LINGO2: variants seen among roughly 807,000 people sequenced by gnomAD.
The protein encoded by LINGO2 is leucine rich repeat and Ig domain containing 2, also known as leucine-rich repeat and immunoglobulin-like domain-containing nogo receptor-interacting protein 2.
Under a neutral mutation model 30.6 loss-of-function variants are expected in LINGO2, and 14 were observed. The observed-to-expected ratio is 0.46, with a 90% confidence interval of 0.30 to 0.72. The LOEUF (loss-of-function observed/expected upper bound fraction) is 0.72. LINGO2 is among the 30% of genes least tolerant of loss of function. The pLI is 0.07. For synonymous variants in LINGO2, 317 were observed against 288.5 expected, an observed-to-expected ratio of 1.10 and a Z score of -1.00; for missense variants, 729 against 751.7, an observed-to-expected ratio of 0.97 and a Z score of 0.35.
the LINGO2 span, among the ~76,000 whole-genome samples, chr9:28,953,348 TGAA>T: frequency 6.6e-6 from 1 of 152,216 alleles, no homozygotes; most frequent in South Asian, 2.1e-4. Flanking sequence ...CTCTTTAAAA[TGAA>T]GAGCATTAAT....
the LINGO2 span, among the ~76,000 whole-genome samples, chr9:29,199,222 C>T: frequency 6.6e-6 from 1 of 152,034 alleles, no homozygotes; most frequent in East Asian, 1.9e-4. Flanking sequence ...CTATCACTGA[C>T]ATTTTTCATT....
chr9:28,126,643 T>C (rs1827243731), intron 4 of LINGO2, among the ~76,000 whole-genome samples: 1 of 152,196 alleles, frequency 6.6e-6, no homozygotes, highest in South Asian at 2.1e-4. Flanking sequence ...CAGGCAATCA[T>C]ACAATTAGAG....
chr9:28,775,576 C>T, the LINGO2 span, among the ~76,000 whole-genome samples: 2 of 152,100 alleles, frequency 1.3e-5, no homozygotes, highest in Non-Finnish European at 1.5e-5. Context: ...ACTTCCTGAA[C>T]ATTAAGTAAG....
intron 2 of LINGO2, among the ~76,000 whole-genome samples, chr9:28,415,832 T>A (rs1172383697): frequency 6.6e-6 from 1 of 152,172 alleles, no homozygotes; most frequent in Non-Finnish European, 1.5e-5. Context: ...TGGCACATAG[T>A]AAGTGCTAAA....
At chr9:28,507,221 G>GTA (rs1564251500) in intron 1 of LINGO2, among the ~76,000 whole-genome samples, 1 of 113,332 alleles carries the variant, frequency 8.8e-6, no homozygotes, top group Non-Finnish European at 2.1e-5. Flanking sequence ...GAGTGTGTGT[G>GTA]TGTGTGTGTG....
At chr9:28,003,063 T>C (rs1822044525) in intron 5 of LINGO2, among the ~76,000 whole-genome samples, 2 of 152,154 alleles carry the variant, frequency 1.3e-5, no homozygotes, top group Non-Finnish European at 2.9e-5. Flanking sequence ...ATATGAATTA[T>C]TATAAAATTA....
At chr9:28,228,810 T>G (rs1271173442) in intron 4 of LINGO2, among the ~76,000 whole-genome samples, 1 of 151,692 alleles carries the variant, frequency 6.6e-6, no homozygotes, top group Non-Finnish European at 1.5e-5. Context: ...TTGGAATTAT[T>G]TTTTAGTTTT....
chr9:28,703,021 T>C, the LINGO2 span, among the ~76,000 whole-genome samples: 1 of 151,820 alleles, frequency 6.6e-6, no homozygotes, highest in African/African-American at 2.4e-5. Context: ...TCTTTTTTTT[T>C]CTTAGCCTGG....
At chr9:28,992,949 A>G in the LINGO2 span, among the ~76,000 whole-genome samples, 3 of 151,494 alleles carry the variant, frequency 2.0e-5, no homozygotes, top group Non-Finnish European at 4.4e-5. Flanking sequence ...ATCACAATTA[A>G]AAGAACTAGA....
intron 5 of LINGO2, among the ~76,000 whole-genome samples, chr9:28,005,792 G>A (rs189886726): frequency 1.3e-5 from 2 of 151,238 alleles, no homozygotes; most frequent in Non-Finnish European, 3.0e-5. Context: ...TCCTTTATAG[G>A]GCCACCAAGA....
At chr9:28,194,414 A>C (rs1819934450) in intron 4 of LINGO2, among the ~76,000 whole-genome samples, 1 of 152,106 alleles carries the variant, frequency 6.6e-6, no homozygotes, top group African/African-American at 2.4e-5. Context: ...TTAAGGCAAA[A>C]GAAGTGAAGT....
intron 4 of LINGO2, among the ~76,000 whole-genome samples, chr9:28,235,350 A>C (rs1187199953): frequency 6.6e-6 from 1 of 152,198 alleles, no homozygotes; most frequent in Non-Finnish European, 1.5e-5. Flanking sequence ...GAATACCTGG[A>C]AAGCCTCCCC....
intron 4 of LINGO2, among the ~76,000 whole-genome samples, chr9:28,209,658 G>A (rs182001141): frequency 6.6e-6 from 1 of 151,380 alleles, no homozygotes; most frequent in African/African-American, 2.4e-5. Context: ...TCTGTGTCTC[G>A]GAGGAATTTT....
chr9:28,181,525 G>A (rs1001413891), intron 4 of LINGO2, among the ~76,000 whole-genome samples: 1 of 152,110 alleles, frequency 6.6e-6, no homozygotes, highest in Non-Finnish European at 1.5e-5. Flanking sequence ...GCCAGTGGTA[G>A]GGCCAGCAAT....
chr9:28,761,297 G>A, the LINGO2 span, among the ~76,000 whole-genome samples: 2 of 151,868 alleles, frequency 1.3e-5, no homozygotes, highest in African/African-American at 2.4e-5. Context: ...TATAGCATCA[G>A]TCCAGTGACC....
chr9:27,950,208 A>T (rs1450889014), exon 6 of LINGO2: 1 of 1,614,022 alleles, frequency 6.2e-7, no homozygotes, highest in Middle Eastern at 1.6e-4. Flanking sequence ...TAGAGACTTC[A>T]GGTTATGTAG....
At chr9:28,070,000 G>T (rs548505209) in intron 4 of LINGO2, among the ~76,000 whole-genome samples, 1 of 152,160 alleles carries the variant, frequency 6.6e-6, no homozygotes, top group Non-Finnish European at 1.5e-5. Flanking sequence ...ACAGCAGATG[G>T]GCAGTGCAGA....
chr9:28,682,438 C>G, the LINGO2 span, among the ~76,000 whole-genome samples: 1 of 152,074 alleles, frequency 6.6e-6, no homozygotes, highest in African/African-American at 2.4e-5. Flanking sequence ...AGTCTTGATT[C>G]ATTTTTGTAC....
the LINGO2 span, among the ~76,000 whole-genome samples, chr9:28,835,503 G>T: frequency 3.7e-4 from 56 of 152,030 alleles, no homozygotes; most frequent in African/African-American, 1.4e-3. Flanking sequence ...TTTCCTTCCA[G>T]AACAACACTT....
Sources: gnomAD v4.1 joint callset for allele counts (sites outside exome capture counted in the v4.1 genomes callset) on GRCh38, gnomAD v4.1.1 for gene constraint, MANE v1.5 for transcripts, NCBI Gene and HGNC (gene_info 2026-07-23, HGNC 2026-07-21) for gene names.